Variants in ADGRG6 observed in about 807,000 individuals in gnomAD.
ADGRG6 encodes the protein adhesion G protein-coupled receptor G6, also known as G-protein coupled receptor 126.
Under a neutral mutation model 142.4 loss-of-function variants are expected in ADGRG6, and 84 were observed. The ratio of observed to expected loss-of-function variants is 0.59; its 90% CI spans 0.49 to 0.71. The LOEUF (loss-of-function observed/expected upper bound fraction) is 0.71, where lower values mean the gene tolerates loss of function less well. Ranked by LOEUF, ADGRG6 falls within the 30% of genes least tolerant of loss-of-function variation. The pLI, the probability that ADGRG6 is intolerant of heterozygous loss-of-function variation, is 0.00. For synonymous variants in ADGRG6, 521 were observed against 520.5 expected (o/e 1.00, Z -0.01); for missense variants, 1,367 against 1,466.6 (o/e 0.93, Z 1.11).
At chr6:142,441,622 C>G (rs561953573) in intron 24 of ADGRG6, among the ~76,000 whole-genome samples, 1 of 152,150 alleles carries the variant, frequency 6.6e-6, no homozygotes, top group Non-Finnish European at 1.5e-5. Flanking sequence ...TCTAAAAGTA[C>G]ATGCCACTGG....
chr6:142,437,569 A>T, intron 23 of ADGRG6, 34 bp downstream of exon 23: 5 of 953,924 alleles, frequency 5.2e-6, no homozygotes, highest in Non-Finnish European at 8.7e-6. Context: ...TACATCTACA[A>T]GTAGATGGGA....
chr6:142,437,995 G>C (rs1777568161), intron 23 of ADGRG6: 1 of 372,630 alleles, frequency 2.7e-6, no homozygotes, highest in Non-Finnish European at 4.7e-6. Context: ...TCATCTTTGG[G>C]ATATTGAAAG....
intron 23 of ADGRG6, 113 bp from the exon 24 acceptor site, chr6:142,438,099 C>T (rs1777575379): frequency 1.6e-6 from 1 of 626,924 alleles, no homozygotes; most frequent in Non-Finnish European, 2.7e-6. Context: ...GAGCCATTGC[C>T]AGCATATCAG....
intron 2 of ADGRG6, among the ~76,000 whole-genome samples, chr6:142,336,829 A>G (rs1049608659): frequency 6.6e-6 from 1 of 152,224 alleles, no homozygotes; most frequent in African/African-American, 2.4e-5. Flanking sequence ...TCAGATGGAT[A>G]TAAGAACTGA....
intron 22 of ADGRG6, among the ~76,000 whole-genome samples, chr6:142,434,233 A>C (rs1225735871): frequency 6.6e-6 from 1 of 150,926 alleles, no homozygotes; most frequent in African/African-American, 2.4e-5. Context: ...ATCAAATAAC[A>C]TAATAGTAAT....
At chr6:142,306,646 T>C (rs2114494247) in intron 1 of ADGRG6, among the ~76,000 whole-genome samples, 1 of 152,256 alleles carries the variant, frequency 6.6e-6, no homozygotes, top group East Asian at 1.9e-4. Context: ...AGTAGAACTT[T>C]AAGGCCACAA....
At chr6:142,382,538 T>G (rs970429598) in intron 5 of ADGRG6, among the ~76,000 whole-genome samples, 1 of 152,222 alleles carries the variant, frequency 6.6e-6, no homozygotes, top group African/African-American at 2.4e-5. Flanking sequence ...ATTACGATGC[T>G]TACTATATCG....
chr6:142,366,911 T>TA (rs879552074), intron 2 of ADGRG6, among the ~76,000 whole-genome samples: 2 of 152,146 alleles, frequency 1.3e-5, no homozygotes, highest in Non-Finnish European at 2.9e-5. Flanking sequence ...AGCATATAAT[T>TA]ACCAACTGTG....
chr6:142,433,773 C>T (rs960059101), intron 22 of ADGRG6, among the ~76,000 whole-genome samples: 1 of 152,128 alleles, frequency 6.6e-6, no homozygotes, highest in Admixed American at 6.5e-5. Context: ...TAGAACTTCC[C>T]AGCCAGTCAC....
At chr6:142,435,514 G>A (rs1001993966) in intron 22 of ADGRG6, among the ~76,000 whole-genome samples, 4 of 151,144 alleles carry the variant, frequency 2.6e-5, no homozygotes, top group Non-Finnish European at 4.4e-5. Flanking sequence ...TAACCTCCAC[G>A]TCTCCAAACA....
rs142871736 is a variant in ADGRG6 at position 142,330,946 on chromosome 6, C to T, written c.103+21302C>T. 7.6e-3 allele frequency among the ~76,000 whole-genome samples: 1,161 copies of T among 151,864 alleles called. 14 individuals carry two copies. Among genetic ancestry groups the T allele is most frequent in the African/African-American group, 0.027 (1,107 of 41,444 alleles). On this transcript the variant is annotated intron_variant, in intron 2 of 24. Coordinates refer to ENST00000367609, the MANE Select transcript of ADGRG6 (RefSeq NM_198569.3). ...CAGAATTGTTTCTTTAAAAAAAAAG[C>T]TTTTTAAGCTTCATTTATATAACTG...
chr6:142,409,991 T>C (rs1181391853), intron 17 of ADGRG6, 72 bp downstream of exon 17: 6 of 618,066 alleles, frequency 9.7e-6, no homozygotes, highest in Non-Finnish European at 1.7e-5. Context: ...ACACCCCCAT[T>C]TCCTTTAATT....
At chr6:142,351,103 T>A (rs1158958699) in intron 2 of ADGRG6, among the ~76,000 whole-genome samples, 4 of 152,068 alleles carry the variant, frequency 2.6e-5, no homozygotes, top group African/African-American at 9.7e-5. Flanking sequence ...TAGCCGGGCA[T>A]GGTGGCGGGC....
chr6:142,429,519 A>AT (rs1407150699), intron 22 of ADGRG6, among the ~76,000 whole-genome samples: 1 of 152,152 alleles, frequency 6.6e-6, no homozygotes, highest in Non-Finnish European at 1.5e-5. Context: ...TGAAAGGAGG[A>AT]TTTAAGAAGT....
intron 22 of ADGRG6, among the ~76,000 whole-genome samples, chr6:142,426,963 G>A (rs2115137523): frequency 6.6e-6 from 1 of 152,294 alleles, no homozygotes; most frequent in South Asian, 2.1e-4. Context: ...TGGGGACTCT[G>A]AGCCTGACCC....
intron 5 of ADGRG6, 63 bp from the exon 6 acceptor site, chr6:142,383,697 C>T: frequency 7.7e-6 from 6 of 780,008 alleles, no homozygotes; most frequent in Non-Finnish European, 1.3e-5. Context: ...TTATAGATTG[C>T]TTATCCAAAT....
At chr6:142,312,718 A>C (rs1255111567) in intron 2 of ADGRG6, among the ~76,000 whole-genome samples, 1 of 152,106 alleles carries the variant, frequency 6.6e-6, no homozygotes, top group East Asian at 1.9e-4. Flanking sequence ...ACCCTATAAA[A>C]TAAAAAAACA....
At chr6:142,305,669 C>A (rs1016501944) in intron 1 of ADGRG6, among the ~76,000 whole-genome samples, 10 of 152,136 alleles carry the variant, frequency 6.6e-5, no homozygotes, top group Non-Finnish European at 1.0e-4. Context: ...TATATTGACA[C>A]AATTTACTTC....
intron 2 of ADGRG6, among the ~76,000 whole-genome samples, chr6:142,315,955 G>C (rs1778041010): frequency 6.6e-6 from 1 of 152,124 alleles, no homozygotes; most frequent in Non-Finnish European, 1.5e-5. Context: ...AACTCTCAGA[G>C]AGGAATAAAG....
Sources: allele counts gnomAD v4.1 joint callset (sites outside exome capture counted in the v4.1 genomes callset), GRCh38; gene constraint gnomAD v4.1.1; transcripts MANE v1.5; gene names NCBI Gene and HGNC (gene_info 2026-07-23, HGNC 2026-07-21).